Variants in PTPRM observed in about 807,000 individuals in gnomAD.
PTPRM encodes protein tyrosine phosphatase receptor type M.
PTPRM carries 47 observed loss-of-function variants against 186.7 expected under a neutral mutation model. That is an observed-to-expected ratio of 0.25 (90% CI 0.20 to 0.32). The LOEUF (loss-of-function observed/expected upper bound fraction) is 0.32. Among genes scored for constraint, PTPRM ranks in the 10% least tolerant of loss-of-function variants. The pLI is 1.00. For synonymous variants in PTPRM, 668 were observed against 674.9 expected, an observed-to-expected ratio of 0.99 and a Z score of 0.16; for missense variants, 1,494 against 1,865.0, an observed-to-expected ratio of 0.80 and a Z score of 3.66.
chr18:8,318,500 T>C (rs2095325490), intron 21 of PTPRM, among the ~76,000 whole-genome samples: 2 of 152,034 alleles, frequency 1.3e-5, no homozygotes, highest in Admixed American at 6.6e-5. Context: ...TTTTGCCATG[T>C]TGTGCAGGCT....
rs1322293085 is a variant in PTPRM at position 7,568,350 on chromosome 18, C to T, written c.73+459C>T. On this transcript the variant is annotated intron_variant, in intron 1 of 32. Transcript: ENST00000580170. The surrounding 1 kb of genome is among the most constrained non-coding windows in gnomAD (Gnocchi z 5.1). ...CAGGCCGCTGGTGTTCGGCTGCGCC[C>T]GCAGCGATCGCCGGGAACTGGCGGC... is the stretch of plus-strand genomic sequence containing the variant. 6.6e-6 allele frequency among the ~76,000 whole-genome samples: 1 copy of T among 151,842 alleles called. No homozygotes were observed. The highest frequency in any genetic ancestry group is 1.5e-5 in the Non-Finnish European group (1 of 67,938).
At chr18:8,388,998 C>T (rs1241465595) in intron 31 of PTPRM, among the ~76,000 whole-genome samples, 1 of 152,068 alleles carries the variant, frequency 6.6e-6, no homozygotes, top group Non-Finnish European at 1.5e-5. Context: ...AAGAAAATGA[C>T]AAAAAGAATT....
chr18:7,586,288 CAGG>C (rs1424279928), intron 1 of PTPRM, among the ~76,000 whole-genome samples: 1 of 152,096 alleles, frequency 6.6e-6, no homozygotes, highest in Non-Finnish European at 1.5e-5. Context: ...GTTGGTTAGT[CAGG>C]AGTCCACTAC....
At chr18:7,851,030 C>A (rs560274536) in intron 2 of PTPRM, among the ~76,000 whole-genome samples, 1 of 152,018 alleles carries the variant, frequency 6.6e-6, no homozygotes, top group Non-Finnish European at 1.5e-5. Context: ...AGAACTAATT[C>A]TGTTAAAAAG....
intron 31 of PTPRM, among the ~76,000 whole-genome samples, chr18:8,387,758 G>A (rs957605113): frequency 4.0e-4 from 32 of 79,252 alleles, no homozygotes; most frequent in East Asian, 8.6e-4. Flanking sequence ...GCGTGTGTGC[G>A]TGTGTGTGCG....
chr18:7,846,912 C>G (rs1012253649), intron 2 of PTPRM, among the ~76,000 whole-genome samples: 6 of 151,998 alleles, frequency 3.9e-5, no homozygotes, highest in African/African-American at 1.4e-4. Context: ...TTTATCTTAT[C>G]TCTGAGACTT....
intron 2 of PTPRM, among the ~76,000 whole-genome samples, chr18:7,795,725 G>A (rs789451): frequency 0.63 from 94,640 of 151,360 alleles, 32,214 homozygotes; most frequent in East Asian, 0.98. Flanking sequence ...ACACATACTA[G>A]TTTACATTGT....
At chr18:8,268,149 G>T (rs1235768204) in intron 19 of PTPRM, among the ~76,000 whole-genome samples, 1 of 152,110 alleles carries the variant, frequency 6.6e-6, no homozygotes, top group Non-Finnish European at 1.5e-5. Context: ...AATTGCATGG[G>T]ATGCATTTAT....
At chr18:8,166,632 T>C (rs1568453374) in intron 14 of PTPRM, among the ~76,000 whole-genome samples, 3 of 152,206 alleles carry the variant, frequency 2.0e-5, no homozygotes, top group Admixed American at 1.3e-4. Context: ...CTAATATATA[T>C]TAAGTGTTAA....
chr18:7,740,257 C>T (rs970675622), intron 1 of PTPRM, among the ~76,000 whole-genome samples: 2 of 152,028 alleles, frequency 1.3e-5, no homozygotes, highest in South Asian at 2.1e-4. Flanking sequence ...GCAGAAGAAT[C>T]AGTATAGAGT....
At chr18:7,726,160 C>T (rs2040545456) in intron 1 of PTPRM, among the ~76,000 whole-genome samples, 1 of 152,162 alleles carries the variant, frequency 6.6e-6, no homozygotes, top group Admixed American at 6.5e-5. Flanking sequence ...CGAGTGCACT[C>T]CATTTCCCGC....
chr18:8,104,464 T>G (rs910645985), intron 11 of PTPRM, among the ~76,000 whole-genome samples: 3 of 152,138 alleles, frequency 2.0e-5, no homozygotes, highest in African/African-American at 7.2e-5. Context: ...TATGTTTTAG[T>G]GGGGGAATCT....
chr18:8,348,375 C>T (rs1458220923), intron 23 of PTPRM, among the ~76,000 whole-genome samples: 1 of 152,236 alleles, frequency 6.6e-6, no homozygotes, highest in Non-Finnish European at 1.5e-5. Context: ...TGCTGCACTT[C>T]CCTCCAGCGG....
At chr18:8,204,716 C>T (rs1399460246) in intron 14 of PTPRM, among the ~76,000 whole-genome samples, 1 of 151,440 alleles carries the variant, frequency 6.6e-6, no homozygotes, top group Non-Finnish European at 1.5e-5. Context: ...AAAATGACTG[C>T]ATTGAGAGCC....
intron 24 of PTPRM, among the ~76,000 whole-genome samples, chr18:8,373,917 C>A (rs1397282057): frequency 2.6e-5 from 4 of 151,838 alleles, no homozygotes; most frequent in Non-Finnish European, 4.4e-5. Context: ...GTGACTCTCA[C>A]ATTTTTGTAT....
chr18:8,341,406 C>T (rs1323408063), intron 22 of PTPRM, among the ~76,000 whole-genome samples: 1 of 152,184 alleles, frequency 6.6e-6, no homozygotes, highest in African/African-American at 2.4e-5. Flanking sequence ...AGGCTGAGTT[C>T]CCCTCCGGGA....
intron 14 of PTPRM, among the ~76,000 whole-genome samples, chr18:8,236,355 A>G (rs1033869428): frequency 1.3e-5 from 2 of 152,284 alleles, no homozygotes; most frequent in East Asian, 1.9e-4. Flanking sequence ...TTTTTGCTCT[A>G]AAGTCTGCTC....
chr18:8,348,465 G>A (rs2095517520), intron 23 of PTPRM, among the ~76,000 whole-genome samples: 1 of 152,252 alleles, frequency 6.6e-6, no homozygotes, highest in Non-Finnish European at 1.5e-5. Flanking sequence ...TAGCCCACGT[G>A]TTCTGGGAAG....
chr18:8,120,745 T>G (rs2092141379), intron 13 of PTPRM, among the ~76,000 whole-genome samples: 1 of 152,102 alleles, frequency 6.6e-6, no homozygotes. Flanking sequence ...TCCACCCACC[T>G]CAGCCTCCCA....
Sources: allele counts gnomAD v4.1 joint callset (sites outside exome capture counted in the v4.1 genomes callset), GRCh38; gene constraint gnomAD v4.1.1; non-coding constraint Gnocchi (gnomAD v3.1); transcripts MANE v1.5; gene names NCBI Gene and HGNC (gene_info 2026-07-23, HGNC 2026-07-21).